Variants in DNM3 observed in about 807,000 individuals in gnomAD.
DNM3 encodes the protein dynamin-3.
Under a neutral mutation model 101.6 loss-of-function variants are expected in DNM3, and 47 were observed. The observed-to-expected ratio is 0.46, with a 90% CI of 0.37 to 0.59. The LOEUF (loss-of-function observed/expected upper bound fraction) is 0.59. DNM3 is among the 20% of genes least tolerant of loss of function. DNM3 has a pLI of 0.00. For synonymous variants in DNM3, 385 were observed against 387.9 expected, an observed-to-expected ratio of 0.99 and a Z score of 0.09; for missense variants, 849 against 1,085.7, an observed-to-expected ratio of 0.78 and a Z score of 3.06.
chr1:172,048,134 G>A (rs1255701903), intron 9 of DNM3, among the ~76,000 whole-genome samples: 2 of 152,134 alleles, frequency 1.3e-5, no homozygotes, highest in South Asian at 4.2e-4. Context: ...TCATTATTTA[G>A]GCATCTTGAA....
At chr1:171,942,372 T>C (rs117801016) in intron 2 of DNM3, among the ~76,000 whole-genome samples, 2 of 152,202 alleles carry the variant, frequency 1.3e-5, no homozygotes, top group East Asian at 3.9e-4. Flanking sequence ...GTTGTAGAGA[T>C]ATACAGCAAA....
At position 171,932,039 on chromosome 1, in the gene DNM3, TCTCCCC is replaced by T. The variant is rs1277105332; in HGVS notation, c.235+10219_235+10224del. Among the ~76,000 whole-genome samples the T allele has an allele frequency of 7.9e-3, 533 of 67,740 alleles. 7 individuals carry two copies. Among genetic ancestry groups the T allele is most frequent in the African/African-American group, 0.03 (495 of 16,658 alleles). 44.4% of individuals were successfully genotyped at this position (67,740 alleles called of 152,430 possible). On this transcript the variant is annotated intron_variant, in intron 2 of 20. Coordinates refer to ENST00000627582, the MANE Select transcript of DNM3 (RefSeq NM_015569.5). ...CCCTTCCTCCCTCCCTCCCTCTCCC[TCTCCCC>T]ATCCCCCACCCTCCCTCCATTCCTC...
At chr1:171,963,848 T>C (rs1356329994) in intron 2 of DNM3, among the ~76,000 whole-genome samples, 2 of 150,296 alleles carry the variant, frequency 1.3e-5, no homozygotes, top group Non-Finnish European at 2.9e-5. Context: ...AAACCAAAAA[T>C]AAAATTCCAA....
intron 4 of DNM3, among the ~76,000 whole-genome samples, chr1:171,997,008 G>T (rs1202248568): frequency 6.6e-6 from 1 of 151,958 alleles, no homozygotes; most frequent in Non-Finnish European, 1.5e-5. Context: ...CTCCAGCCTA[G>T]GTGACAGAGT....
chr1:171,905,221 C>A (rs764988293), intron 1 of DNM3, among the ~76,000 whole-genome samples: 4 of 152,046 alleles, frequency 2.6e-5, no homozygotes, highest in Non-Finnish European at 5.9e-5. Flanking sequence ...TCTTTAATAC[C>A]CCTGTGGTCT....
chr1:172,087,574 C>T (rs1379383876), intron 12 of DNM3, among the ~76,000 whole-genome samples: 1 of 152,174 alleles, frequency 6.6e-6, no homozygotes, highest in Non-Finnish European at 1.5e-5. Flanking sequence ...CTGTGGATGG[C>T]ACCTCCCAGT....
rs12086359 is a variant in DNM3, at chr1:172,052,614, C to T, written c.1335+3864C>T. On this transcript the variant is annotated intron_variant, in intron 10 of 20. Transcript: ENST00000627582. The stretch of plus-strand genomic sequence containing the variant: ...AGTCCTGATTGCCAAGCCTAAAGGA[C>T]GCTCTTATTCCTGAGACTATATTCC... 4.5e-3 allele frequency among the ~76,000 whole-genome samples: 680 copies of T among 152,236 alleles called. 9 individuals carry two copies. Among genetic ancestry groups the T allele is most frequent in the African/African-American group, 0.016 (651 of 41,558 alleles).
intron 13 of DNM3, among the ~76,000 whole-genome samples, chr1:172,117,492 G>C (rs2055999106): frequency 6.6e-6 from 1 of 152,054 alleles, no homozygotes; most frequent in Admixed American, 6.5e-5. Flanking sequence ...GGTTTATCAG[G>C]GGTTTCTGCT....
At chr1:172,127,735 A>G (rs1451505024) in intron 13 of DNM3, among the ~76,000 whole-genome samples, 1 of 152,084 alleles carries the variant, frequency 6.6e-6, no homozygotes, top group African/African-American at 2.4e-5. Context: ...ATCAATAAAC[A>G]TGCTCAATTG....
At chr1:172,325,560 G>A (rs1375360121) in intron 17 of DNM3, among the ~76,000 whole-genome samples, 1 of 150,862 alleles carries the variant, frequency 6.6e-6, no homozygotes, top group African/African-American at 2.4e-5. Flanking sequence ...ATCACAAACA[G>A]CACATCTGCA....
intron 4 of DNM3, among the ~76,000 whole-genome samples, chr1:172,008,833 A>T (rs1190831695): frequency 1.5e-5 from 2 of 136,320 alleles, no homozygotes; most frequent in African/African-American, 5.6e-5. Flanking sequence ...GTATTATATA[A>T]TATATATTAA....
intron 6 of DNM3, among the ~76,000 whole-genome samples, chr1:172,035,866 A>G (rs2048918229): frequency 6.6e-6 from 1 of 152,192 alleles, no homozygotes; most frequent in South Asian, 2.1e-4. Context: ...ATACAGTTAT[A>G]AACTATTGAC....
intron 6 of DNM3, among the ~76,000 whole-genome samples, chr1:172,036,580 C>T (rs1453449491): frequency 6.6e-6 from 1 of 152,116 alleles, no homozygotes; most frequent in East Asian, 1.9e-4. Flanking sequence ...GCTGGGAAAA[C>T]TGGCTAGCCA....
chr1:172,377,581 T>TATATA (rs2068676916), intron 17 of DNM3, among the ~76,000 whole-genome samples: 1 of 144,112 alleles, frequency 6.9e-6, no homozygotes, highest in Non-Finnish European at 1.5e-5. Flanking sequence ...TATATATATA[T>TATATA]TTCATAATCA....
chr1:171,895,924 G>C (rs1396959726), intron 1 of DNM3, among the ~76,000 whole-genome samples: 1 of 152,114 alleles, frequency 6.6e-6, no homozygotes. Context: ...GTTTTTGTCA[G>C]GTTTGTCAAA....
intron 2 of DNM3, among the ~76,000 whole-genome samples, chr1:171,947,507 T>A (rs2042244458): frequency 6.6e-6 from 1 of 152,158 alleles, no homozygotes; most frequent in South Asian, 2.1e-4. Context: ...AAAAAATCAG[T>A]ATTTCTCAGC....
At chr1:172,394,841 A>G (rs1440804981) in intron 20 of DNM3, among the ~76,000 whole-genome samples, 11 of 152,202 alleles carry the variant, frequency 7.2e-5, no homozygotes, top group Non-Finnish European at 5.9e-5. Flanking sequence ...ATATTCCTAT[A>G]TACAAGTTAA....
chr1:172,333,219 T>C (rs540042024), intron 17 of DNM3, among the ~76,000 whole-genome samples: 1 of 152,342 alleles, frequency 6.6e-6, no homozygotes, highest in African/African-American at 2.4e-5. Context: ...TGCGTTCATG[T>C]ATTATTAACT....
Position 171,862,874 on chromosome 1 carries a change from A to G in DNM3, c.161+21057A>G, listed in dbSNP as rs2125049801. On this transcript the variant is annotated intron_variant, in intron 1 of 20. Transcript: ENST00000627582. Reference sequence around the variant, plus strand: ...AGGAGAGGCCAAAGAACTAGAAAGAAAATCTAGAGACTCTTTAGAACTGAG... The same window carrying G: ...AGGAGAGGCCAAAGAACTAGAAAGAGAATCTAGAGACTCTTTAGAACTGAG... 1.3e-5 allele frequency among the ~76,000 whole-genome samples: 2 copies of G among 152,188 alleles called. 1 individual carries two copies. Among genetic ancestry groups the G allele is most frequent in the South Asian group, 4.1e-4 (2 of 4,820 alleles).
Sources: gnomAD v4.1 joint callset for allele counts (sites outside exome capture counted in the v4.1 genomes callset) on GRCh38, gnomAD v4.1.1 for gene constraint, MANE v1.5 for transcripts, NCBI Gene and HGNC (gene_info 2026-07-23, HGNC 2026-07-21) for gene names.